Variants in TXNDC16 observed in about 807,000 individuals in gnomAD.
TXNDC16 encodes thioredoxin domain-containing protein 16.
Under a neutral mutation model 85.6 loss-of-function variants are expected in TXNDC16, and 74 were observed. The ratio of observed to expected loss-of-function variants is 0.86; its 90% CI spans 0.72 to 1.05. The LOEUF is 1.05. Among genes scored for constraint, TXNDC16 ranks in the 50% least tolerant of loss-of-function variants. The pLI is 0.00. For synonymous variants in TXNDC16, 335 were observed against 326.5 expected (o/e 1.03, Z -0.28); for missense variants, 959 against 947.0 (o/e 1.01, Z -0.17).
At chr14:52,540,348 G>A (rs1283954470) in intron 4 of TXNDC16, among the ~76,000 whole-genome samples, 3 of 152,200 alleles carry the variant, frequency 2.0e-5, no homozygotes, top group Non-Finnish European at 4.4e-5. Flanking sequence ...CAATGGGCTA[G>A]GCGCGGTGGC....
chr14:52,539,774 T>C (rs2037787628), intron 4 of TXNDC16, among the ~76,000 whole-genome samples: 2 of 152,236 alleles, frequency 1.3e-5, no homozygotes, highest in Admixed American at 1.3e-4. Flanking sequence ...CAGAGCTTTT[T>C]GTTTAAAATC....
intron 11 of TXNDC16, among the ~76,000 whole-genome samples, chr14:52,490,133 T>C (rs551446712): frequency 1.9e-4 from 29 of 152,288 alleles, no homozygotes; most frequent in African/African-American, 7.0e-4. Flanking sequence ...CAGCCCAATA[T>C]TATTTTAAAC....
chr14:52,470,011 T>C, intron 16 of TXNDC16, 26 bp downstream of exon 16: 1 of 1,588,732 alleles, frequency 6.3e-7, no homozygotes, highest in South Asian at 1.2e-5. Flanking sequence ...CTCTACTGTA[T>C]AATTTAAAAG....
Position 52,544,587 on chromosome 14 carries a change from T to C in TXNDC16, c.-181-216A>G, listed in dbSNP as rs553501966. On this transcript the variant is annotated intron_variant, in intron 1 of 20. Coordinates refer to ENST00000281741, the MANE Select transcript of TXNDC16 (RefSeq NM_020784.3). Reference sequence around the variant, plus strand: ...AAAAGTAGAATTTTTCAGCAAAGAATAAAATAATAAAGAATTTGAAATGTA... The same window carrying C: ...AAAAGTAGAATTTTTCAGCAAAGAACAAAATAATAAAGAATTTGAAATGTA... Among the ~76,000 whole-genome samples the C allele has an allele frequency of 2.0e-3, 309 of 152,032 alleles. 1 individual carries two copies. The highest frequency in any genetic ancestry group is 7.3e-3 in the African/African-American group (305 of 41,516).
chr14:52,540,044 G>A lies in TXNDC16; in HGVS notation c.243+2327C>T, dbSNP rs191212559. Among the ~76,000 whole-genome samples, 145 of 152,112 alleles carry A rather than the reference G, an allele frequency of 9.5e-4. 1 individual carries two copies. The highest frequency in any genetic ancestry group is 3.4e-3 in the Middle Eastern group (1 of 292). On this transcript the variant is annotated intron_variant, in intron 4 of 20. Coordinates refer to ENST00000281741, the MANE Select transcript of TXNDC16 (RefSeq NM_020784.3). ...TAACCCAGAGAAAGGCACTATTTCC[G>A]AATTCAATCTTATGGAACAAGTAGG...
At chr14:52,452,847 CA>C (rs1282682544) in intron 18 of TXNDC16, among the ~76,000 whole-genome samples, 2 of 152,052 alleles carry the variant, frequency 1.3e-5, no homozygotes, top group Non-Finnish European at 2.9e-5. Flanking sequence ...CACATCAAGA[CA>C]AAATGGTCCT....
At chr14:52,470,931 G>A (rs1318097094) in intron 14 of TXNDC16, among the ~76,000 whole-genome samples, 1 of 152,106 alleles carries the variant, frequency 6.6e-6, no homozygotes, top group African/African-American at 2.4e-5. Context: ...TCAAGGCTCA[G>A]CTTAAGCTGC....
intron 18 of TXNDC16, among the ~76,000 whole-genome samples, chr14:52,451,134 G>C (rs751812253): frequency 3.0e-4 from 45 of 151,770 alleles, no homozygotes; most frequent in Non-Finnish European, 5.7e-4. Flanking sequence ...GGTAAAAGGA[G>C]GGTGATGGGA....
chr14:52,492,066 A>G (rs1353031710), intron 9 of TXNDC16, among the ~76,000 whole-genome samples: 1 of 152,182 alleles, frequency 6.6e-6, no homozygotes, highest in Non-Finnish European at 1.5e-5. Context: ...TTTGAGAGGT[A>G]GTTAGATCCC....
chr14:52,462,152 AT>A, intron 16 of TXNDC16, among the ~76,000 whole-genome samples: 1 of 152,238 alleles, frequency 6.6e-6, no homozygotes, highest in East Asian at 1.9e-4. Flanking sequence ...TTTATACAAA[AT>A]TTTCATTTGC....
At chr14:52,493,978 G>A (rs866662322) in intron 9 of TXNDC16, among the ~76,000 whole-genome samples, 6 of 151,532 alleles carry the variant, frequency 4.0e-5, no homozygotes, top group Non-Finnish European at 8.8e-5. Context: ...ATGGGGTCTC[G>A]CCATGTTGCC....
chr14:52,515,844 A>C (rs748891196), intron 7 of TXNDC16, among the ~76,000 whole-genome samples: 26 of 152,006 alleles, frequency 1.7e-4, no homozygotes, highest in Non-Finnish European at 3.5e-4. Context: ...CAACTCTCCC[A>C]ATATAGTTCT....
intron 18 of TXNDC16, among the ~76,000 whole-genome samples, chr14:52,447,303 C>A (rs1594684971): frequency 1.3e-5 from 2 of 152,182 alleles, no homozygotes; most frequent in South Asian, 4.1e-4. Context: ...TAGCAGTGGC[C>A]ATGGGGTGAG....
intron 6 of TXNDC16, among the ~76,000 whole-genome samples, chr14:52,536,477 G>T (rs566404613): frequency 6.6e-6 from 1 of 152,160 alleles, no homozygotes; most frequent in Non-Finnish European, 1.5e-5. Flanking sequence ...GACCTCACTC[G>T]ATGTGGTTTT....
intron 1 of TXNDC16, among the ~76,000 whole-genome samples, chr14:52,549,005 T>C (rs2037994187): frequency 6.6e-6 from 1 of 152,228 alleles, no homozygotes; most frequent in Non-Finnish European, 1.5e-5. Context: ...GATTATGACT[T>C]GAACATAAGA....
chr14:52,464,755 A>G (rs750517440), intron 16 of TXNDC16, among the ~76,000 whole-genome samples: 1 of 152,088 alleles, frequency 6.6e-6, no homozygotes, highest in Non-Finnish European at 1.5e-5. Context: ...AACACAGTGA[A>G]ACCCTGTCTC....
chr14:52,488,514 G>T, intron 11 of TXNDC16, 28 bp from the exon 12 acceptor site: 1 of 1,543,648 alleles, frequency 6.5e-7, no homozygotes, highest in South Asian at 1.2e-5. Context: ...TTTAAAAAAT[G>T]AATATAGCAA....
chr14:52,514,497 A>C (rs750766640), intron 8 of TXNDC16, among the ~76,000 whole-genome samples: 27 of 152,208 alleles, frequency 1.8e-4, no homozygotes, highest in Admixed American at 6.5e-5. Context: ...AAATACATTT[A>C]AGATTATTAT....
rs1291457759 is a variant in TXNDC16 at position 52,483,093 on chromosome 14, G to A, written c.1109-128C>T. 7.1e-6 allele frequency: 5 copies of A among 709,002 alleles called. No individual in the cohort carries two copies. In the East Asian group the frequency reaches 1.3e-4, roughly 18 times the overall value. 43.9% of individuals were successfully genotyped at this position (709,002 alleles called of 1,614,324 possible). Reference sequence around the variant, plus strand: ...CTTTTGAATTCATCCTATCTTAATAGTTAGGATGCATGATATTTAGAAAAC... The same window carrying A: ...CTTTTGAATTCATCCTATCTTAATAATTAGGATGCATGATATTTAGAAAAC... On this transcript the variant is annotated intron_variant, in intron 12 of 20. Transcript: ENST00000281741.
Sources: gnomAD v4.1 joint callset for allele counts (sites outside exome capture counted in the v4.1 genomes callset) on GRCh38, gnomAD v4.1.1 for gene constraint, MANE v1.5 for transcripts, NCBI Gene and HGNC (gene_info 2026-07-23, HGNC 2026-07-21) for gene names.